The following IMMP2L variants were observed in gnomAD, a reference collection of about 807,000 sequenced individuals.
IMMP2L encodes the protein inner mitochondrial membrane peptidase subunit 2.
In IMMP2L, 18 loss-of-function variants were observed where a neutral mutation model predicts 19.3. That is an observed-to-expected ratio of 0.93 (90% CI 0.64 to 1.38). The LOEUF (loss-of-function observed/expected upper bound fraction) is 1.38, where lower values mean the gene tolerates loss of function less well. Among genes scored for constraint, IMMP2L ranks in the 40% most tolerant of loss-of-function variants. The probability of loss-of-function intolerance (pLI) is 0.00; values close to 1 mark genes in which losing one functional copy is unlikely to be tolerated. For missense variants in IMMP2L, 233 were observed against 218.2 expected (o/e 1.07, Z -0.43); for synonymous variants, 76 against 73.0 (o/e 1.04, Z -0.21).
intron 3 of IMMP2L, among the ~76,000 whole-genome samples, chr7:111,397,246 C>A (rs959304725): frequency 7.9e-5 from 12 of 151,916 alleles, no homozygotes; most frequent in Non-Finnish European, 1.8e-4. Flanking sequence ...CATTTTGTAA[C>A]TTGCTTTTTT....
chr7:111,302,480 TGTCTAAAAG>T (rs1822368692), intron 3 of IMMP2L, among the ~76,000 whole-genome samples: 1 of 152,126 alleles, frequency 6.6e-6, no homozygotes. Context: ...ACATAGCACT[TGTCTAAAAG>T]CTCTTTCGAT....
chr7:111,214,896 A>T (rs1011857342), intron 3 of IMMP2L, among the ~76,000 whole-genome samples: 1 of 152,118 alleles, frequency 6.6e-6, no homozygotes, highest in African/African-American at 2.4e-5. Context: ...AGCGCAGCAA[A>T]ATTGTTTTCT....
At chr7:111,388,461 T>C (rs117344100) in intron 3 of IMMP2L, among the ~76,000 whole-genome samples, 36 of 152,072 alleles carry the variant, frequency 2.4e-4, no homozygotes, top group Non-Finnish European at 3.5e-4. Flanking sequence ...CACTGATCAA[T>C]AGATAGATAG....
chr7:110,965,332 C>T (rs1242979027), intron 3 of IMMP2L, among the ~76,000 whole-genome samples: 1 of 151,970 alleles, frequency 6.6e-6, no homozygotes, highest in Non-Finnish European at 1.5e-5. Context: ...CAAATATATT[C>T]AAACTGTACA....
chr7:111,056,960 A>G (rs1380048356), intron 3 of IMMP2L, among the ~76,000 whole-genome samples: 1 of 152,180 alleles, frequency 6.6e-6, no homozygotes, highest in African/African-American at 2.4e-5. Context: ...TCAACTGTAT[A>G]CAAGTACCCC....
chr7:110,816,452 G>A (rs1314048246), intron 5 of IMMP2L, among the ~76,000 whole-genome samples: 1 of 146,402 alleles, frequency 6.8e-6, no homozygotes, highest in Non-Finnish European at 1.6e-5. Flanking sequence ...GTTGATTTGG[G>A]GTGGAGAGTT....
chr7:111,438,378 AAAG>A (rs1198876016), intron 3 of IMMP2L, among the ~76,000 whole-genome samples: 6 of 151,930 alleles, frequency 3.9e-5, no homozygotes, highest in South Asian at 2.1e-4. Context: ...TTTATTAAAA[AAAG>A]AAGATTTTTA....
chr7:111,351,454 T>C (rs1452294340), intron 3 of IMMP2L, among the ~76,000 whole-genome samples: 1 of 152,034 alleles, frequency 6.6e-6, no homozygotes, highest in Admixed American at 6.6e-5. Context: ...CTCCCAAAGT[T>C]CTGGGATTAC....
chr7:111,043,318 TATTATA>T (rs1792076384), intron 3 of IMMP2L, among the ~76,000 whole-genome samples: 1 of 152,220 alleles, frequency 6.6e-6, no homozygotes, highest in Admixed American at 6.5e-5. Flanking sequence ...AATGATAAGG[TATTATA>T]ATTAACTCAG....
At chr7:111,107,863 T>C (rs377195514) in intron 3 of IMMP2L, among the ~76,000 whole-genome samples, 11 of 152,180 alleles carry the variant, frequency 7.2e-5, no homozygotes, top group Non-Finnish European at 1.0e-4. Flanking sequence ...GACTCTAGCA[T>C]GCAAAGCTTA....
At chr7:111,104,429 T>A (rs528722588) in intron 3 of IMMP2L, among the ~76,000 whole-genome samples, 1 of 151,980 alleles carries the variant, frequency 6.6e-6, no homozygotes, top group African/African-American at 2.4e-5. Context: ...CTTCTGTTGA[T>A]AATGCTCCAT....
At chr7:111,060,093 T>G (rs2129574373) in intron 3 of IMMP2L, among the ~76,000 whole-genome samples, 1 of 152,302 alleles carries the variant, frequency 6.6e-6, no homozygotes, top group Non-Finnish European at 1.5e-5. Context: ...TTTATTTTTG[T>G]AAGCAGCAGT....
chr7:111,061,164 C>A (rs1031014522), intron 3 of IMMP2L, among the ~76,000 whole-genome samples: 1 of 152,070 alleles, frequency 6.6e-6, no homozygotes, highest in Non-Finnish European at 1.5e-5. Flanking sequence ...GTTTTCAAAA[C>A]CAAGTAAGAT....
intron 5 of IMMP2L, among the ~76,000 whole-genome samples, chr7:110,711,797 C>T (rs1247674171): frequency 6.7e-4 from 4 of 5,928 alleles, no homozygotes; most frequent in Admixed American, 1.6e-3. Flanking sequence ...TCCAGTTGAT[C>T]GCATCGGCTC....
intron 4 of IMMP2L, among the ~76,000 whole-genome samples, chr7:110,931,728 G>A (rs1815509671): frequency 6.6e-6 from 1 of 151,874 alleles, no homozygotes; most frequent in Non-Finnish European, 1.5e-5. Context: ...AAACCCTCTC[G>A]TGGCTTCCTA....
At chr7:110,814,912 G>A (rs2131293686) in intron 5 of IMMP2L, among the ~76,000 whole-genome samples, 1 of 151,872 alleles carries the variant, frequency 6.6e-6, no homozygotes, top group South Asian at 2.1e-4. Flanking sequence ...GACCATGTAG[G>A]TTTCAAAAAT....
intron 5 of IMMP2L, among the ~76,000 whole-genome samples, chr7:110,701,707 G>A (rs1316618192): frequency 6.6e-6 from 1 of 152,056 alleles, no homozygotes; most frequent in Non-Finnish European, 1.5e-5. Flanking sequence ...CTACAGGTGT[G>A]AGCCACCGTG....
rs1349637388 is a variant in IMMP2L, at chr7:111,219,458, T to C, written c.240-255893A>G. On this transcript the variant is annotated intron_variant, in intron 3 of 5. Transcript: ENST00000405709. ...AATATTTCTGCATTGGTTTGAGCTA[T>C]TGTATTTGCCAGTGGATAAATTTTA... Among the ~76,000 whole-genome samples, 5 of 152,160 alleles carry C rather than the reference T, an allele frequency of 3.3e-5. 1 individual carries two copies. In the East Asian group the frequency reaches 9.6e-4, roughly 29 times the overall value.
At chr7:111,312,220 C>T (rs115450212) in intron 3 of IMMP2L, among the ~76,000 whole-genome samples, 3,469 of 152,174 alleles carry the variant, frequency 0.023, 133 homozygotes, top group African/African-American at 0.079. Flanking sequence ...CAATAAAGCA[C>T]TGGGGAAACT....
Sources: gnomAD v4.1 joint callset for allele counts (sites outside exome capture counted in the v4.1 genomes callset) on GRCh38, gnomAD v4.1.1 for gene constraint, MANE v1.5 for transcripts, NCBI Gene and HGNC (gene_info 2026-07-23, HGNC 2026-07-21) for gene names.